Variants in ZNF283 observed in about 807,000 individuals in gnomAD.
ZNF283 encodes the protein zinc finger protein 41.
ZNF283 carries 10 observed loss-of-function variants against 9.2 expected under a neutral mutation model. That is an observed-to-expected ratio of 1.09 (90% CI 0.67 to 1.85). The LOEUF (loss-of-function observed/expected upper bound fraction) is 1.85, where lower values mean the gene tolerates loss of function less well. Ranked by LOEUF, ZNF283 falls within the 40% of genes most tolerant of loss-of-function variation. The pLI is 0.00. For missense variants in ZNF283, 631 were observed against 760.1 expected, an observed-to-expected ratio of 0.83 and a Z score of 2.00; for synonymous variants, 234 against 244.1, an observed-to-expected ratio of 0.96 and a Z score of 0.38.
chr19:43,828,166 A>G (rs1384531293), intron 1 of ZNF283, 36 bp from the exon 2 acceptor site: 2 of 146,756 alleles, frequency 1.4e-5, no homozygotes, highest in African/African-American at 5.1e-5. Context: ...ACGCGCTAGA[A>G]ATGCTGATGT....
At chr19:43,846,420 G>T (rs1412439800) in intron 6 of ZNF283, among the ~76,000 whole-genome samples, 2 of 152,090 alleles carry the variant, frequency 1.3e-5, no homozygotes, top group African/African-American at 4.8e-5. Context: ...TGGCTCTGGA[G>T]GCCAAATCCA....
At chr19:43,844,848 A>G (rs1047568047) in intron 6 of ZNF283, among the ~76,000 whole-genome samples, 1 of 152,190 alleles carries the variant, frequency 6.6e-6, no homozygotes, top group Non-Finnish European at 1.5e-5. Context: ...AATATAATAA[A>G]CAACAACTTC....
intron 6 of ZNF283, among the ~76,000 whole-genome samples, chr19:43,843,604 T>G (rs535153835): frequency 6.6e-6 from 1 of 152,324 alleles, no homozygotes; most frequent in Non-Finnish European, 1.5e-5. Context: ...TTTTATGAGA[T>G]GGGTGGTAAT....
At chr19:43,842,018 A>AT (rs1298596730) in intron 6 of ZNF283, among the ~76,000 whole-genome samples, 3 of 151,888 alleles carry the variant, frequency 2.0e-5, no homozygotes, top group Non-Finnish European at 1.5e-5. Context: ...CAGTGGGTTG[A>AT]TTTTTTTATT....
intron 6 of ZNF283, chr19:43,837,848 T>C (rs1169458067): frequency 6.6e-6 from 1 of 152,190 alleles, no homozygotes; most frequent in East Asian, 1.9e-4. Context: ...GACCCTGTTG[T>C]TGGAAAGGAA....
At chr19:43,836,963 C>A (rs1261265473) in intron 5 of ZNF283, 90 bp from the exon 6 acceptor site, 1 of 1,411,546 alleles carries the variant, frequency 7.1e-7, no homozygotes, top group East Asian at 2.3e-5. Flanking sequence ...ATTTCTCCCC[C>A]TCTTTGTAGT....
chr19:43,839,033 A>G (rs574137795), intron 6 of ZNF283, among the ~76,000 whole-genome samples: 2 of 152,268 alleles, frequency 1.3e-5, no homozygotes, highest in East Asian at 3.9e-4. Flanking sequence ...ACCTTTACCA[A>G]TGTTCTTTAT....
Position 43,847,372 on chromosome 19 carries a change from T to C in ZNF283, c.771T>C (p.His257=), listed in dbSNP as rs780565007. The C allele has an allele frequency of 1.2e-6, 2 of 1,614,088 alleles. No individual in the cohort carries two copies. The highest frequency in any genetic ancestry group is 2.2e-5 in the East Asian group (1 of 44,878). The change falls in exon 7 of 7, where the codon CAT becomes CAC. Residue 257 remains histidine, a synonymous_variant. Transcript: ENST00000618787. The part of the protein sequence containing the change: ...AYQLNVHQRF[H]TGEKPYECKE... ...AACTCAATGTGCATCAGAGATTTCATACTGGTGAGAAACCCTATGAGTGTA... is the reference window on the plus strand; with the variant it reads ...AACTCAATGTGCATCAGAGATTTCACACTGGTGAGAAACCCTATGAGTGTA...
intron 1 of ZNF283, 138 bp from the exon 2 acceptor site, chr19:43,828,064 C>G (rs901011249): frequency 9.9e-5 from 15 of 152,270 alleles, no homozygotes; most frequent in Admixed American, 5.2e-4. Context: ...CTCTAGCCTC[C>G]CTTTTCATTC....
Position 43,851,352 on chromosome 19 carries a change from A to G in ZNF283, c.*2711A>G. 6.6e-6 allele frequency: 1 copy of G among 152,036 alleles called. No homozygotes were observed. The highest frequency in any genetic ancestry group is 1.5e-5 in the Non-Finnish European group (1 of 68,008). The allele number at this position is 152,036 out of a possible 1,614,324, so 9.4% of individuals were successfully genotyped here. Reference sequence around the variant, plus strand: ...TAAAGAAGCTTATAAAGTAGCATCTACTAAATCCCCTCCTAAGGAACAAGC... The same window carrying G: ...TAAAGAAGCTTATAAAGTAGCATCTGCTAAATCCCCTCCTAAGGAACAAGC... On this transcript the variant is annotated 3_prime_UTR_variant, in exon 7 of 7. Transcript: ENST00000618787.
Position 43,838,785 on chromosome 19 carries a change from G to T in ZNF283, c.337+1606G>T, listed in dbSNP as rs548577080. Among the ~76,000 whole-genome samples the T allele has an allele frequency of 3.9e-5, 6 of 152,244 alleles. No homozygotes were observed. The East Asian group carries it at 1.2e-3, about 29-fold the overall frequency. ...ATTTAGTCAGTGGGAATCCTTTCAT[G>T]ATATGGCTTTTTGGCACATCTCCGT... On this transcript the variant is annotated intron_variant, in intron 6 of 6. Coordinates refer to ENST00000618787, the MANE Select transcript of ZNF283 (RefSeq NM_181845.2).
intron 2 of ZNF283, among the ~76,000 whole-genome samples, chr19:43,829,845 A>G (rs547129071): frequency 6.6e-6 from 1 of 152,156 alleles, no homozygotes; most frequent in East Asian, 1.9e-4. Flanking sequence ...AGCATGGTGA[A>G]ACCCCGTCTC....
intron 4 of ZNF283, among the ~76,000 whole-genome samples, chr19:43,834,032 G>A (rs1003650328): frequency 6.6e-5 from 10 of 152,148 alleles, no homozygotes; most frequent in African/African-American, 1.4e-4. Context: ...AAGCAATACC[G>A]TTGAACCATG....
chr19:43,835,694 A>G lies in ZNF283; in HGVS notation c.210+102A>G, dbSNP rs1389404933. The G allele has an allele frequency of 1.2e-5, 10 of 862,746 alleles. No homozygotes were observed. The African/African-American group carries it at 1.2e-4, about 10-fold the overall frequency. 53.4% of individuals were successfully genotyped at this position (862,746 alleles called of 1,614,324 possible). A position where few individuals can be genotyped will look rare whatever the true frequency, so the allele number is the denominator to read the frequency against. On this transcript the variant is annotated intron_variant, in intron 5 of 6. Coordinates refer to ENST00000618787, the MANE Select transcript of ZNF283 (RefSeq NM_181845.2). ...CCTATAGAACTTCTCCATAGACCCA[A>G]GTTTTCCACAGAGATAAGGACTTTG...
At chr19:43,836,090 C>T (rs953497242) in intron 5 of ZNF283, among the ~76,000 whole-genome samples, 1 of 152,082 alleles carries the variant, frequency 6.6e-6, no homozygotes, top group Non-Finnish European at 1.5e-5. Flanking sequence ...TATATTTCCA[C>T]GATCAAGAAA....
intron 6 of ZNF283, 45 bp from the exon 7 acceptor site, chr19:43,846,894 C>A: frequency 3.6e-6 from 4 of 1,106,050 alleles, no homozygotes; most frequent in Non-Finnish European, 3.5e-6. Context: ...TTTTTTTTTC[C>A]CTAGTGAAGG....
In ZNF283 at chr19:43,827,348, T is replaced by G. The variant is rs551491937; in HGVS notation, c.-241T>G. 6.6e-6 allele frequency: 1 copy of G among 152,632 alleles called. No homozygotes were observed. Among genetic ancestry groups the G allele is most frequent in the East Asian group, 1.9e-4 (1 of 5,182 alleles). 9.5% of individuals were successfully genotyped at this position (152,632 alleles called of 1,614,324 possible). On this transcript the variant is annotated 5_prime_UTR_variant, in exon 1 of 7. Coordinates refer to ENST00000618787, the MANE Select transcript of ZNF283 (RefSeq NM_181845.2). ...AAGCTCCTCTCCCAGCCTGCGAGCA[T>G]TTCCAGGCTCTTGTTTCCCATCAGC...
chr19:43,845,022 CTTAAAA>C (rs1329721316), intron 6 of ZNF283, among the ~76,000 whole-genome samples: 1 of 152,106 alleles, frequency 6.6e-6, no homozygotes, highest in Non-Finnish European at 1.5e-5. Flanking sequence ...CACAATCTTT[CTTAAAA>C]TTAATTTATA....
chr19:43,846,980 GA>G lies in ZNF283; in HGVS notation c.383del (p.Asn128MetfsTer6), dbSNP rs1971425129. The G allele has an allele frequency of 6.3e-7, 1 of 1,574,826 alleles. No individual in the cohort carries two copies. The highest frequency in any genetic ancestry group is 1.9e-5 in the Admixed American group (1 of 53,704). On this transcript the variant is annotated frameshift_variant, in exon 7 of 7. Transcript: ENST00000618787. LOFTEE classifies it low-confidence loss of function (END_TRUNC). The part of the protein sequence containing the change: ...KTYETKKIFS[E>X]NDIFEINFSQ... The stretch of plus-strand genomic sequence containing the variant: ...GTATGAGACCAAAAAAATATTTTCA[GA>G]AAATGATATTTTTGAAATAAATTTT...
Sources: gnomAD v4.1 joint callset for allele counts (sites outside exome capture counted in the v4.1 genomes callset) on GRCh38, gnomAD v4.1.1 for gene constraint, MANE v1.5 for transcripts, NCBI Gene and HGNC (gene_info 2026-07-23, HGNC 2026-07-21) for gene names.